The following SUSD5 variants were observed in gnomAD, a reference collection of about 807,000 sequenced individuals.
The protein encoded by SUSD5 is sushi domain-containing protein 5.
In SUSD5, 33 loss-of-function variants were observed where a neutral mutation model predicts 29.5. The ratio of observed to expected loss-of-function variants is 1.12; its 90% CI spans 0.85 to 1.49. SUSD5 has a LOEUF of 1.49. SUSD5 is among the 40% of genes most tolerant of loss of function. SUSD5 has a pLI of 0.00. For missense variants in SUSD5, 776 were observed against 800.6 expected (o/e 0.97, Z 0.37); for synonymous variants, 308 against 325.3 (o/e 0.95, Z 0.57).
chr3:33,163,285 T>C (rs912348234), intron 4 of SUSD5, among the ~76,000 whole-genome samples: 4 of 152,110 alleles, frequency 2.6e-5, no homozygotes, highest in Admixed American at 1.3e-4. Flanking sequence ...AAAAGTCCCA[T>C]ATAAAATGTT....
At chr3:33,162,043 A>C (rs898437858) in intron 4 of SUSD5, among the ~76,000 whole-genome samples, 6 of 152,206 alleles carry the variant, frequency 3.9e-5, no homozygotes, top group African/African-American at 1.4e-4. Flanking sequence ...AAGTGCACAT[A>C]GAATAATTTT....
At chr3:33,163,973 A>C (rs981829822) in intron 4 of SUSD5, among the ~76,000 whole-genome samples, 4 of 152,014 alleles carry the variant, frequency 2.6e-5, no homozygotes, top group Non-Finnish European at 5.9e-5. Context: ...GCACTCCAGC[A>C]TGGGTGACAG....
intron 4 of SUSD5, among the ~76,000 whole-genome samples, chr3:33,159,437 T>C (rs544749351): frequency 6.6e-5 from 10 of 152,252 alleles, no homozygotes; most frequent in Admixed American, 1.3e-4. Context: ...CACCCCATAT[T>C]TCACTTCCAT....
intron 3 of SUSD5, among the ~76,000 whole-genome samples, chr3:33,183,851 A>T (rs12632512): frequency 1.3e-5 from 2 of 150,528 alleles, no homozygotes; most frequent in East Asian, 1.9e-4. Flanking sequence ...TCACTTTTGA[A>T]GGACAATTTC....
intron 4 of SUSD5, among the ~76,000 whole-genome samples, chr3:33,173,607 A>T (rs1349167309): frequency 1.3e-5 from 2 of 152,242 alleles, no homozygotes. Context: ...ACAGCACCCT[A>T]GGTCTCATCT....
chr3:33,207,962 C>T (rs1181072752), intron 2 of SUSD5, 36 bp from the exon 3 acceptor site: 1 of 1,514,446 alleles, frequency 6.6e-7, no homozygotes, highest in East Asian at 2.3e-5. Context: ...ATGAGGAAAA[C>T]TCTGGGTTGA....
chr3:33,215,177 A>G (rs2032406078), intron 1 of SUSD5, among the ~76,000 whole-genome samples: 1 of 152,150 alleles, frequency 6.6e-6, no homozygotes, highest in African/African-American at 2.4e-5. Context: ...AGTATTAACA[A>G]AACTACAAGG....
intron 3 of SUSD5, among the ~76,000 whole-genome samples, chr3:33,182,028 A>C (rs2031682689): frequency 6.6e-6 from 1 of 152,226 alleles, no homozygotes; most frequent in African/African-American, 2.4e-5. Flanking sequence ...GTGGAGGCTA[A>C]GATTATTGAT....
chr3:33,152,896 A>C lies in SUSD5; in HGVS notation c.1736T>G (p.Ile579Ser). The C allele has an allele frequency of 6.2e-7, 1 of 1,613,920 alleles. No individual in the cohort carries two copies. The highest frequency in any genetic ancestry group is 8.5e-7 in the Non-Finnish European group (1 of 1,179,868). Residue 579 changes from isoleucine (I) to serine (S), a missense_variant, in exon 5 of 5, where the codon ATT becomes AGT. Transcript: ENST00000309558. ...GLSRGPVIATIVTVLCLLLLL... is the reference protein window; with the variant it reads ...GLSRGPVIATSVTVLCLLLLL... ...CAGCAGTAGGCACAGGACGGTGACAATGGTGGCGATCACAGGGCCTCTGCT... is the reference window on the plus strand; with the variant it reads ...CAGCAGTAGGCACAGGACGGTGACACTGGTGGCGATCACAGGGCCTCTGCT...
At chr3:33,164,731 T>C (rs186189694) in intron 4 of SUSD5, among the ~76,000 whole-genome samples, 2 of 152,260 alleles carry the variant, frequency 1.3e-5, no homozygotes, top group East Asian at 3.9e-4. Flanking sequence ...ACTTCACAAA[T>C]GAGGTATTCT....
At chr3:33,209,999 C>T (rs2032293643) in intron 2 of SUSD5, among the ~76,000 whole-genome samples, 1 of 152,178 alleles carries the variant, frequency 6.6e-6, no homozygotes, top group African/African-American at 2.4e-5. Flanking sequence ...TCTGCATCTA[C>T]CAATCCTAAT....
intron 4 of SUSD5, among the ~76,000 whole-genome samples, chr3:33,173,319 C>G (rs2031475012): frequency 6.6e-6 from 1 of 152,216 alleles, no homozygotes; most frequent in South Asian, 2.1e-4. Flanking sequence ...TTGGCAGCAT[C>G]AGCTGCAGCT....
Position 33,153,035 on chromosome 3 carries a change from A to C in SUSD5, c.1597T>G (p.Phe533Val). The C allele has an allele frequency of 6.2e-7, 1 of 1,613,812 alleles. No homozygotes were observed. Reference sequence around the variant, plus strand: ...AAGTCTTCAGACAGCAGGTATGGGAAGCTATCCTGGATCTCAGGAACAGTG... The same window carrying C: ...AAGTCTTCAGACAGCAGGTATGGGACGCTATCCTGGATCTCAGGAACAGTG... ...ETTVPEIQDS[F>V]PYLLSEDFFG... Residue 533 changes from phenylalanine to valine, a missense_variant, in exon 5 of 5, where the codon TTC (phenylalanine) becomes GTC (valine). Physicochemically the swap from Phe to Val is conservative, Grantham distance 50. Coordinates refer to ENST00000309558, the MANE Select transcript of SUSD5 (RefSeq NM_015551.2).
chr3:33,196,383 C>A (rs1286071294), intron 3 of SUSD5, among the ~76,000 whole-genome samples: 1 of 152,174 alleles, frequency 6.6e-6, no homozygotes, highest in African/African-American at 2.4e-5. Flanking sequence ...CTGATGGATT[C>A]TTGGGGTTGG....
At chr3:33,187,600 G>A (rs1318130598) in intron 3 of SUSD5, among the ~76,000 whole-genome samples, 1 of 151,654 alleles carries the variant, frequency 6.6e-6, no homozygotes, top group Non-Finnish European at 1.5e-5. Flanking sequence ...CTATATACCT[G>A]GACCTTCTTC....
chr3:33,179,767 TTA>T (rs1347278214), intron 3 of SUSD5, among the ~76,000 whole-genome samples: 1 of 152,252 alleles, frequency 6.6e-6, no homozygotes, highest in African/African-American at 2.4e-5. Context: ...TCCATTGATT[TTA>T]TGTTTGTAAT....
At chr3:33,155,318 T>C (rs1160933642) in intron 4 of SUSD5, among the ~76,000 whole-genome samples, 1 of 152,202 alleles carries the variant, frequency 6.6e-6, no homozygotes, top group Non-Finnish European at 1.5e-5. Context: ...TCATTAAACA[T>C]GTGGAAAGAT....
intron 4 of SUSD5, among the ~76,000 whole-genome samples, chr3:33,164,977 C>CAT: frequency 9.8e-6 from 1 of 102,176 alleles, no homozygotes; most frequent in Non-Finnish European, 2.3e-5. Flanking sequence ...TGAACACACA[C>CAT]ACACACACAC....
intron 4 of SUSD5, among the ~76,000 whole-genome samples, chr3:33,163,605 T>C (rs983264946): frequency 2.6e-5 from 4 of 152,322 alleles, no homozygotes; most frequent in Middle Eastern, 3.4e-3. Flanking sequence ...CTCATGCTTA[T>C]AATCCCAGCA....
Sources: gnomAD v4.1 joint callset for allele counts (sites outside exome capture counted in the v4.1 genomes callset) on GRCh38, gnomAD v4.1.1 for gene constraint, MANE v1.5 for transcripts, NCBI Gene and HGNC (gene_info 2026-07-23, HGNC 2026-07-21) for gene names.